XPC: variants seen among roughly 807,000 people sequenced by gnomAD.
The protein encoded by XPC is DNA repair protein complementing XP-C cells.
In XPC, 76 loss-of-function variants were observed where a neutral mutation model predicts 95.8. That is an observed-to-expected ratio of 0.79 (90% CI 0.66 to 0.96). The LOEUF is 0.96. Ranked by LOEUF, XPC falls within the 40% of genes least tolerant of loss-of-function variation. The pLI is 0.00. For missense variants in XPC, 1,146 were observed against 1,179.8 expected (o/e 0.97, Z 0.42); for synonymous variants, 442 against 442.1 (o/e 1.00, Z 0.00).
intron 11 of XPC, chr3:14,151,770 A>G: frequency 6.5e-6 from 1 of 154,456 alleles, no homozygotes; most frequent in South Asian, 2.0e-4. Flanking sequence ...GCACAGTGTG[A>G]AAGGAGCACT....
In XPC at chr3:14,170,577, TGAA is replaced by T. The variant is rs56128351; in HGVS notation, c.300-30_300-28del. On this transcript the variant is annotated intron_variant, in intron 2 of 15. Transcript: ENST00000285021. ...TGTGTAAAGACCACAGGAAGGAAGA[TGAA>T]GAAGACTCAGACATCCTAGTGTTCC... is the stretch of plus-strand genomic sequence containing the variant. The T allele has an allele frequency of 2.1e-4, 320 of 1,544,382 alleles. 3 individuals are homozygous for T. The African/African-American group carries it at 4.0e-3, about 19-fold the overall frequency.
chr3:14,165,956 G>A (rs1696362425), intron 5 of XPC: 3 of 262,144 alleles, frequency 1.1e-5, no homozygotes, highest in East Asian at 9.6e-5. Context: ...AAGGCAAGTG[G>A]AGTGGAGCTG....
At chr3:14,156,261 C>T (rs1162740489) in intron 10 of XPC, 74 bp downstream of exon 10, 3 of 1,537,872 alleles carry the variant, frequency 2.0e-6, no homozygotes, top group Non-Finnish European at 2.6e-6. Flanking sequence ...CATCAGCAAC[C>T]CTTGCCTAGG....
At chr3:14,152,466 G>A in intron 10 of XPC, 50 bp from the exon 11 acceptor site, 1 of 1,537,222 alleles carries the variant, frequency 6.5e-7, no homozygotes, top group Non-Finnish European at 8.8e-7. Context: ...CAGCCCCACT[G>A]CGGGAATGCG....
At chr3:14,171,853 C>T (rs1479609335) in intron 2 of XPC, among the ~76,000 whole-genome samples, 3 of 151,332 alleles carry the variant, frequency 2.0e-5, no homozygotes, top group Admixed American at 6.6e-5. Flanking sequence ...CGGGACGGGG[C>T]GGGACGGGAA....
At chr3:14,178,054 T>G (rs1474773250) in intron 1 of XPC, among the ~76,000 whole-genome samples, 2 of 152,168 alleles carry the variant, frequency 1.3e-5, no homozygotes, top group African/African-American at 4.8e-5. Context: ...GGAAGTCAGG[T>G]GGGATCCCAC....
At chr3:14,173,850 T>G (rs879296719) in intron 1 of XPC, among the ~76,000 whole-genome samples, 1 of 152,150 alleles carries the variant, frequency 6.6e-6, no homozygotes, top group Admixed American at 6.5e-5. Flanking sequence ...GAATCTGAAA[T>G]AAATCTTTTG....
At chr3:14,171,554 T>C (rs1377908271) in intron 2 of XPC, among the ~76,000 whole-genome samples, 1 of 152,108 alleles carries the variant, frequency 6.6e-6, no homozygotes, top group Non-Finnish European at 1.5e-5. Context: ...TTCAGAAAAG[T>C]CTAGGGAAGG....
chr3:14,178,383 G>C, intron 1 of XPC, 83 bp downstream of exon 1: 1 of 1,445,268 alleles, frequency 6.9e-7, no homozygotes, highest in Admixed American at 2.5e-5. Flanking sequence ...CCAGGCCTCC[G>C]CGTCTGGACT....
intron 1 of XPC, among the ~76,000 whole-genome samples, chr3:14,174,623 G>A (rs368331145): frequency 6.6e-6 from 1 of 152,162 alleles, no homozygotes; most frequent in Non-Finnish European, 1.5e-5. Context: ...ACAATAATCT[G>A]AATGTCCAAC....
chr3:14,170,658 G>C lies in XPC; in HGVS notation c.300-108C>G, dbSNP rs3731079. On this transcript the variant is annotated intron_variant, in intron 2 of 15. Transcript: ENST00000285021. ...CCCTCCTATTTATTGAGAATCTGTT[G>C]CAACTATTTAAAGATGATTAGTAAG... 2,163 of 800,958 alleles carry C rather than the reference G, an allele frequency of 2.7e-3. 38 individuals are homozygous for C. In the African/African-American group the frequency reaches 0.033, roughly 12 times the overall value. 49.6% of individuals were successfully genotyped at this position (800,958 alleles called of 1,614,324 possible).
At chr3:14,157,922 T>A in intron 9 of XPC, 89 bp downstream of exon 9, 1 of 1,476,878 alleles carries the variant, frequency 6.8e-7, no homozygotes. Context: ...ACACCCAACA[T>A]AGTGCTGGGC....
Position 14,148,720 on chromosome 3 carries a change from G to T in XPC, c.2262C>A (p.Asn754Lys). 1.9e-6 allele frequency: 3 copies of T among 1,613,996 alleles called. No homozygotes were observed. Among genetic ancestry groups the T allele is most frequent in the East Asian group, 2.2e-5 (1 of 44,886 alleles). ...PVAVDGKVPR[N>K]EFGNVYLFLP... ...GGAAGAGGTACACATTCCCAAACTC[G>T]TTCCGGGGCACCTGTGTCGGGTGAG... The change falls in exon 13 of 16, where the codon AAC (asparagine) becomes AAA (lysine). Residue 754 changes from asparagine (N) to lysine (K), a missense_variant. Coordinates refer to ENST00000285021, the MANE Select transcript of XPC (RefSeq NM_004628.5).
At chr3:14,164,618 G>C (rs1247360320) in intron 7 of XPC, 195 bp downstream of exon 7, 10 of 529,098 alleles carry the variant, frequency 1.9e-5, no homozygotes, top group Non-Finnish European at 2.6e-5. Context: ...TCCCAATCTC[G>C]ATTCTCAGGC....
chr3:14,175,524 T>C (rs1301905935), intron 1 of XPC, among the ~76,000 whole-genome samples: 1 of 152,154 alleles, frequency 6.6e-6, no homozygotes, highest in East Asian at 1.9e-4. Context: ...TCATCTGTCT[T>C]GTTCAATATT....
At chr3:14,153,900 C>T (rs1456797295) in intron 10 of XPC, among the ~76,000 whole-genome samples, 1 of 152,218 alleles carries the variant, frequency 6.6e-6, no homozygotes, top group African/African-American at 2.4e-5. Context: ...CAAAGCTCCA[C>T]TCATGCTCCC....
chr3:14,178,123 C>T (rs1282815676), intron 1 of XPC, among the ~76,000 whole-genome samples: 1 of 152,262 alleles, frequency 6.6e-6, no homozygotes, highest in Non-Finnish European at 1.5e-5. Flanking sequence ...CACACTGCAT[C>T]ACTCTACGTC....
At chr3:14,165,933 G>C (rs55662918) in intron 5 of XPC, 1 of 263,946 alleles carries the variant, frequency 3.8e-6, no homozygotes, top group Non-Finnish European at 7.6e-6. Flanking sequence ...TTTGCTCCAC[G>C]AGATCAGAAG....
intron 1 of XPC, 27 bp downstream of exon 1, chr3:14,178,439 G>C (rs1696931320): frequency 2.2e-5 from 34 of 1,580,616 alleles, no homozygotes; most frequent in Non-Finnish European, 2.8e-5. Flanking sequence ...GGCGTCTCCC[G>C]CGAAGCCCGC....
Sources: allele counts gnomAD v4.1 joint callset (sites outside exome capture counted in the v4.1 genomes callset), GRCh38; gene constraint gnomAD v4.1.1; transcripts MANE v1.5; gene names NCBI Gene and HGNC (gene_info 2026-07-23, HGNC 2026-07-21).